COL26A1: variants seen among roughly 807,000 people sequenced by gnomAD.
COL26A1 encodes collagen type XXVI alpha 1 chain, also known as collagen alpha-1(XXVI) chain.
Under a neutral mutation model 59.3 loss-of-function variants are expected in COL26A1, and 41 were observed. The observed-to-expected ratio is 0.69, with a 90% confidence interval of 0.54 to 0.90. The LOEUF (loss-of-function observed/expected upper bound fraction) is 0.90. Ranked by LOEUF, COL26A1 falls within the 40% of genes least tolerant of loss-of-function variation. The probability of loss-of-function intolerance (pLI) is 0.00; values close to 1 mark genes in which losing one functional copy is unlikely to be tolerated. For missense variants in COL26A1, 612 were observed against 602.3 expected, an observed-to-expected ratio of 1.02 and a Z score of -0.17; for synonymous variants, 266 against 256.0, an observed-to-expected ratio of 1.04 and a Z score of -0.37.
intron 3 of COL26A1, among the ~76,000 whole-genome samples, chr7:101,476,245 A>C (rs547694622): frequency 6.6e-6 from 1 of 151,840 alleles, no homozygotes; most frequent in Non-Finnish European, 1.5e-5. Context: ...TGATCTGCCC[A>C]CCTCGACCTC....
chr7:101,418,896 G>A (rs1205679928), intron 1 of COL26A1, among the ~76,000 whole-genome samples: 3 of 151,778 alleles, frequency 2.0e-5, no homozygotes, highest in Non-Finnish European at 2.9e-5. Flanking sequence ...CTTGCTTCTT[G>A]TACTCTGAAG....
At chr7:101,524,212 A>G (rs1230169580) in intron 3 of COL26A1, among the ~76,000 whole-genome samples, 1 of 148,512 alleles carries the variant, frequency 6.7e-6, no homozygotes, top group African/African-American at 2.5e-5. Context: ...CAGAGGTTGC[A>G]GTGAGCTAAG....
At chr7:101,434,011 G>T in intron 2 of COL26A1, among the ~76,000 whole-genome samples, 1 of 140,556 alleles carries the variant, frequency 7.1e-6, no homozygotes, top group Non-Finnish European at 1.5e-5. Context: ...TTTCTTTGTG[G>T]ATTTTCCCAT....
chr7:101,391,293 C>T (rs1791722889), intron 1 of COL26A1, among the ~76,000 whole-genome samples: 1 of 152,130 alleles, frequency 6.6e-6, no homozygotes, highest in South Asian at 2.1e-4. Flanking sequence ...AGCATCCGGG[C>T]CTGGCCGGGA....
At chr7:101,461,590 G>A (rs901831782) in intron 3 of COL26A1, among the ~76,000 whole-genome samples, 2 of 152,046 alleles carry the variant, frequency 1.3e-5, no homozygotes, top group African/African-American at 4.8e-5. Context: ...GAGCCACGGT[G>A]CCCAGCCACC....
At position 101,439,375 on chromosome 7, in the gene COL26A1, G is replaced by A. The variant is rs1435141405; in HGVS notation, c.282-8309G>A. 2.6e-5 allele frequency among the ~76,000 whole-genome samples: 4 copies of A among 151,852 alleles called. 1 individual carries two copies. Among genetic ancestry groups the A allele is most frequent in the Non-Finnish European group, 5.9e-5 (4 of 67,956 alleles). ...CCAGCCCCTCAGAGGGCAATAGGGT[G>A]AAACCCCGTCTCTACTAAAAATACA... is the stretch of plus-strand genomic sequence containing the variant. On this transcript the variant is annotated intron_variant, in intron 2 of 12. Transcript: ENST00000313669.
Position 101,416,071 on chromosome 7 carries a change from AT to A in COL26A1, c.159-3897del, listed in dbSNP as rs555044602. Reference sequence around the variant, plus strand: ...TTATACATTTAAATCTCTATATGGAATTTTTTTTTCTTGTTCTTCATGTCTA... The same window carrying A: ...TTATACATTTAAATCTCTATATGGAATTTTTTTTCTTGTTCTTCATGTCTA... On this transcript the variant is annotated intron_variant, in intron 1 of 12. Transcript: ENST00000313669. Among the ~76,000 whole-genome samples, 165 of 142,244 alleles carry A rather than the reference AT, an allele frequency of 1.2e-3. 9 individuals are homozygous for A. The highest frequency in any genetic ancestry group is 3.7e-3 in the African/African-American group (151 of 40,378). 93.3% of individuals were successfully genotyped at this position (142,244 alleles called of 152,430 possible).
chr7:101,536,889 C>T (rs1795494058), intron 4 of COL26A1, among the ~76,000 whole-genome samples: 1 of 152,216 alleles, frequency 6.6e-6, no homozygotes, highest in South Asian at 2.1e-4. Flanking sequence ...CACATCCTCA[C>T]CTTGTATGTA....
rs561196157 is a variant in COL26A1 at position 101,556,749 on chromosome 7, G to A, written c.1166-621G>A. 1.8e-4 allele frequency among the ~76,000 whole-genome samples: 28 copies of A among 152,146 alleles called. No individual in the cohort carries two copies. The South Asian group carries it at 5.8e-3, about 32-fold the overall frequency. On this transcript the variant is annotated intron_variant, in intron 12 of 12. Coordinates refer to ENST00000313669, the MANE Select transcript of COL26A1 (RefSeq NM_001278563.3). Reference sequence around the variant, plus strand: ...GGGTAAATGAGTGAATAGATGCATGGATGAATGAATGAATGGGTGGATGGG... The same window carrying A: ...GGGTAAATGAGTGAATAGATGCATGAATGAATGAATGAATGGGTGGATGGG...
chr7:101,385,367 GTATATA>G (rs373941775), intron 1 of COL26A1, among the ~76,000 whole-genome samples: 1 of 137,020 alleles, frequency 7.3e-6, no homozygotes, highest in Non-Finnish European at 1.6e-5. Context: ...ATATATGTGT[GTATATA>G]TATATATATA....
chr7:101,419,988 A>G lies in COL26A1; in HGVS notation c.170A>G (p.His57Arg). 1 of 1,613,668 alleles carries G rather than the reference A, an allele frequency of 6.2e-7. No individual in the cohort carries two copies. The highest frequency in any genetic ancestry group is 8.5e-7 in the Non-Finnish European group (1 of 1,179,868). Reference sequence around the variant, plus strand: ...TGCTCTCTCCACAGGCACTGGTGCCATCACACAGTGACACGGACGGTGTCC... The same window carrying G: ...TGCTCTCTCCACAGGCACTGGTGCCGTCACACAGTGACACGGACGGTGTCC... ...SGYASRRHWC[H>R]HTVTRTVSCQ... The change falls in exon 2 of 13, where the codon CAT becomes CGT. Residue 57 changes from histidine to arginine, a missense_variant. Transcript: ENST00000313669.
intron 1 of COL26A1, among the ~76,000 whole-genome samples, chr7:101,380,461 AT>A (rs528629293): frequency 1.2e-3 from 177 of 152,034 alleles, no homozygotes; most frequent in Non-Finnish European, 2.2e-3. Context: ...CGCCTGGCTA[AT>A]TTTTTATATT....
At chr7:101,442,140 C>T (rs1372014103) in intron 2 of COL26A1, among the ~76,000 whole-genome samples, 3 of 152,226 alleles carry the variant, frequency 2.0e-5, no homozygotes, top group South Asian at 2.1e-4. Context: ...TGCGCCTGCC[C>T]CGGGCCCTGG....
At chr7:101,440,854 G>A (rs1235539221) in intron 2 of COL26A1, among the ~76,000 whole-genome samples, 1 of 151,974 alleles carries the variant, frequency 6.6e-6, no homozygotes, top group Non-Finnish European at 1.5e-5. Flanking sequence ...AATTACTCCT[G>A]TAATTGCAGC....
chr7:101,363,216 G>C lies in COL26A1; in HGVS notation c.158+26G>C, dbSNP rs1179517335. 4 of 1,305,496 alleles carry C rather than the reference G, an allele frequency of 3.1e-6. 1 individual carries two copies. The highest frequency in any genetic ancestry group is 1.5e-5 in the South Asian group (1 of 67,114). 80.9% of individuals were successfully genotyped at this position (1,305,496 alleles called of 1,614,324 possible). A position where few individuals can be genotyped will look rare whatever the true frequency, so the allele number is the denominator to read the frequency against. On this transcript the variant is annotated intron_variant, in intron 1 of 12. Coordinates refer to ENST00000313669, the MANE Select transcript of COL26A1 (RefSeq NM_001278563.3). ...GTGAGTAGCTCGGGGCCGAGGGGCC[G>C]GGGGGTGGGGGGAGGGAGCGGACAG...
intron 1 of COL26A1, among the ~76,000 whole-genome samples, chr7:101,397,614 G>T (rs1252768512): frequency 1.4e-5 from 2 of 146,380 alleles, no homozygotes; most frequent in East Asian, 4.2e-4. Flanking sequence ...ATAGCTCAGT[G>T]CAGCCTCAAC....
intron 1 of COL26A1, among the ~76,000 whole-genome samples, chr7:101,398,260 G>C (rs964352947): frequency 3.3e-5 from 5 of 152,150 alleles, no homozygotes; most frequent in Non-Finnish European, 7.4e-5. Flanking sequence ...GCTGGAGCTT[G>C]TCAGCTTGAA....
rs201322022 is a variant in COL26A1 at position 101,547,161 on chromosome 7, G to A, written c.862G>A (p.Asp288Asn). 2.6e-4 allele frequency: 415 copies of A among 1,593,840 alleles called. 1 individual carries two copies. The highest frequency in any genetic ancestry group is 3.2e-4 in the Non-Finnish European group (376 of 1,171,892). Residue 288 changes from aspartate to asparagine, a missense_variant, in exon 8 of 13, where the codon GAC becomes AAC. Physicochemically the swap from Asp to Asn is conservative, Grantham distance 23. Coordinates refer to ENST00000313669, the MANE Select transcript of COL26A1 (RefSeq NM_001278563.3). ...CCGCTCCGCTCTTCCCACAGATGGA[G>A]ACTCAAGGCTGGCCTCTGCCATCGT... ...LQPPTDKDNGDSRLASAIVDT... is the reference protein window; with the variant it reads ...LQPPTDKDNGNSRLASAIVDT...
intron 2 of COL26A1, among the ~76,000 whole-genome samples, chr7:101,440,208 A>G (rs1055207238): frequency 1.3e-5 from 2 of 151,986 alleles, no homozygotes; most frequent in African/African-American, 2.4e-5. Context: ...TCTACTGAAA[A>G]TACAAAAATT....
Sources: gnomAD v4.1 joint callset for allele counts (sites outside exome capture counted in the v4.1 genomes callset) on GRCh38, gnomAD v4.1.1 for gene constraint, MANE v1.5 for transcripts, NCBI Gene and HGNC (gene_info 2026-07-23, HGNC 2026-07-21) for gene names.